GRM1: variants seen among roughly 807,000 people sequenced by gnomAD.
GRM1 encodes glutamate metabotropic receptor 1, also known as metabotropic glutamate receptor 1.
In GRM1, 33 loss-of-function variants were observed where a neutral mutation model predicts 90.9. The observed-to-expected ratio is 0.36, with a 90% CI of 0.28 to 0.49. The LOEUF is 0.49. Ranked by LOEUF, GRM1 falls within the 20% of genes least tolerant of loss-of-function variation. The pLI is 0.99. For missense variants in GRM1, 1,190 were observed against 1,534.3 expected (o/e 0.78, Z 3.75); for synonymous variants, 700 against 613.2 (o/e 1.14, Z -2.09).
At chr6:146,065,957 G>GA (rs563583020) in intron 1 of GRM1, among the ~76,000 whole-genome samples, 2,841 of 146,000 alleles carry the variant, frequency 0.019, 36 homozygotes, top group Middle Eastern at 0.032. Flanking sequence ...TGACTCAAAG[G>GA]AAAAAAAAAA....
At chr6:146,379,882 A>G (rs1189732437) in intron 5 of GRM1, among the ~76,000 whole-genome samples, 2 of 152,028 alleles carry the variant, frequency 1.3e-5, no homozygotes, top group Non-Finnish European at 1.5e-5. Flanking sequence ...CTGGGTTACC[A>G]GAGACTCTTG....
intron 3 of GRM1, among the ~76,000 whole-genome samples, chr6:146,328,121 T>C (rs76173020): frequency 6.6e-6 from 1 of 152,174 alleles, no homozygotes; most frequent in Non-Finnish European, 1.5e-5. Flanking sequence ...TTGCCAAAAG[T>C]TTGAAGCTAC....
chr6:146,399,367 C>T lies in GRM1; in HGVS notation c.2328C>T (p.Asn776=), dbSNP rs1777073579. Residue 776 remains asparagine (N), a synonymous_variant, in exon 7 of 8, where the codon AAC becomes AAT. Coordinates refer to ENST00000282753, the MANE Select transcript of GRM1 (RefSeq NM_001278064.2). This position sits in a 1 kb window ranked among gnomAD's most constrained non-coding sequence, Gnocchi z 5.4. ...SCTYYAFKTR[N]VPANFNEAKY... is the part of the protein sequence containing the mutation. ...CCTACTATGCCTTCAAGACCCGCAA[C>T]GTGCCCGCCAACTTCAACGAGGCCA... is the stretch of plus-strand genomic sequence containing the variant. The T allele has an allele frequency of 4.3e-6, 7 of 1,614,150 alleles. No homozygotes were observed. Among genetic ancestry groups the T allele is most frequent in the East Asian group, 2.2e-5 (1 of 44,878 alleles).
chr6:146,161,780 C>T lies in GRM1; in HGVS notation c.950+2183C>T, dbSNP rs139676587. On this transcript the variant is annotated intron_variant, in intron 2 of 7. Transcript: ENST00000282753. ...TCAAAATGGTGTTGGCGTTTAATCT[C>T]GAATCTTAGAGAATTTTAATGAAAG... is the stretch of plus-strand genomic sequence containing the variant. Among the ~76,000 whole-genome samples the T allele has an allele frequency of 1.5e-4, 23 of 152,260 alleles. No homozygotes were observed. In the East Asian group the frequency reaches 3.7e-3, roughly 24 times the overall value.
rs1184329489 is a variant in GRM1, at chr6:146,434,320, G to A, written c.3109G>A (p.Val1037Met). 6.2e-7 allele frequency: 1 copy of A among 1,610,606 alleles called. No individual in the cohort carries two copies. Among genetic ancestry groups the A allele is most frequent in the East Asian group, 2.2e-5 (1 of 44,764 alleles). Reference protein sequence around the residue: ...QKSLMDQLQGVVSNFSTAIPD... With the variant: ...QKSLMDQLQGMVSNFSTAIPD... ...ATCGCTGATGGACCAGCTCCAGGGA[G>A]TGGTCAGCAACTTCAGTACCGCGAT... is the stretch of plus-strand genomic sequence containing the variant. Residue 1037 changes from valine to methionine, a missense_variant, in exon 8 of 8, where the codon GTG (valine) becomes ATG (methionine). Physicochemically the swap from Val to Met is conservative, Grantham distance 21. Around this residue, in one of 10 missense-constraint regions of GRM1, gnomAD observed 400 missense variants for 360.8 expected, o/e 1.11. Transcript: ENST00000282753.
At chr6:146,385,200 T>A (rs1354273925) in intron 5 of GRM1, among the ~76,000 whole-genome samples, 2 of 152,112 alleles carry the variant, frequency 1.3e-5, no homozygotes, top group East Asian at 3.9e-4. Context: ...ATTAAGTTGC[T>A]AAAAACCAGT....
chr6:146,346,175 A>G (rs1785184589), intron 3 of GRM1, among the ~76,000 whole-genome samples: 1 of 152,234 alleles, frequency 6.6e-6, no homozygotes, highest in Non-Finnish European at 1.5e-5. Flanking sequence ...CAGAGAATCA[A>G]GATCTACCAT....
At chr6:146,406,873 G>C (rs1377319788) in intron 7 of GRM1, among the ~76,000 whole-genome samples, 1 of 151,954 alleles carries the variant, frequency 6.6e-6, no homozygotes, top group Non-Finnish European at 1.5e-5. Flanking sequence ...AAGAATAAAG[G>C]AGAAGGAGAA....
At chr6:146,382,314 C>T (rs1543382) in intron 5 of GRM1, among the ~76,000 whole-genome samples, 25,056 of 111,670 alleles carry the variant, frequency 0.22, 2,506 homozygotes, top group African/African-American at 0.31. Flanking sequence ...ATATAAGAAC[C>T]TAAGATTTAA....
At chr6:146,109,601 G>A (rs570215325) in intron 1 of GRM1, among the ~76,000 whole-genome samples, 2 of 152,326 alleles carry the variant, frequency 1.3e-5, no homozygotes, top group South Asian at 4.1e-4. Context: ...CCCATGCAGA[G>A]TCACTACTGT....
chr6:146,050,698 T>C (rs1033648928), intron 1 of GRM1, among the ~76,000 whole-genome samples: 2 of 152,100 alleles, frequency 1.3e-5, no homozygotes, highest in African/African-American at 4.8e-5. Context: ...AAGCAGAATC[T>C]ACACACTGCC....
intron 1 of GRM1, among the ~76,000 whole-genome samples, chr6:146,135,598 A>G (rs1162835510): frequency 6.6e-6 from 1 of 152,230 alleles, no homozygotes; most frequent in Non-Finnish European, 1.5e-5. Context: ...TCATAGTTAC[A>G]TTGAGGCAGA....
At chr6:146,050,009 A>G (rs1791470136) in intron 1 of GRM1, among the ~76,000 whole-genome samples, 1 of 152,008 alleles carries the variant, frequency 6.6e-6, no homozygotes, top group African/African-American at 2.4e-5. Flanking sequence ...AATCTCCTGT[A>G]TAAGGAGACA....
chr6:146,032,267 C>T (rs569629901), intron 1 of GRM1, among the ~76,000 whole-genome samples: 1 of 152,236 alleles, frequency 6.6e-6, no homozygotes, highest in Admixed American at 6.5e-5. Flanking sequence ...GTTCACAGAA[C>T]AGCATCATAG....
At chr6:146,166,819 A>G (rs934171590) in intron 2 of GRM1, among the ~76,000 whole-genome samples, 49 of 152,208 alleles carry the variant, frequency 3.2e-4, no homozygotes, top group Middle Eastern at 3.4e-3. Flanking sequence ...TCTACATCAT[A>G]AAACTGGGGA....
At chr6:146,134,898 T>C (rs1207819554) in intron 1 of GRM1, among the ~76,000 whole-genome samples, 1 of 152,104 alleles carries the variant, frequency 6.6e-6, no homozygotes, top group Non-Finnish European at 1.5e-5. Context: ...ACCACTGGAC[T>C]CCAGTCTGGA....
chr6:146,382,282 G>T (rs1469078887), intron 5 of GRM1, among the ~76,000 whole-genome samples: 2 of 138,454 alleles, frequency 1.4e-5, no homozygotes, highest in South Asian at 2.4e-4. Flanking sequence ...CACTTTGGGG[G>T]AAACTAGAAC....
At chr6:146,095,417 A>G (rs1776844537) in intron 1 of GRM1, among the ~76,000 whole-genome samples, 2 of 152,098 alleles carry the variant, frequency 1.3e-5, no homozygotes, top group African/African-American at 4.8e-5. Flanking sequence ...AGGGTTTTAG[A>G]AGCCATTTGT....
At chr6:146,108,209 A>G (rs1012737029) in intron 1 of GRM1, among the ~76,000 whole-genome samples, 3 of 152,148 alleles carry the variant, frequency 2.0e-5, no homozygotes, top group African/African-American at 7.2e-5. Context: ...AAGGATTCAG[A>G]ACACAGTGTT....
Sources: allele counts gnomAD v4.1 joint callset (sites outside exome capture counted in the v4.1 genomes callset), GRCh38; gene constraint gnomAD v4.1.1; regional missense constraint gnomAD v4.1.1; non-coding constraint Gnocchi (gnomAD v3.1); transcripts MANE v1.5; gene names NCBI Gene and HGNC (gene_info 2026-07-23, HGNC 2026-07-21).